The following PCDH15 variants were observed in gnomAD, a reference collection of about 807,000 sequenced individuals.
The protein encoded by PCDH15 is protocadherin related 15.
Under a neutral mutation model 178.5 loss-of-function variants are expected in PCDH15, and 129 were observed. That is an observed-to-expected ratio of 0.72 (90% CI 0.63 to 0.84). The LOEUF is 0.84. Ranked by LOEUF, PCDH15 falls within the 40% of genes least tolerant of loss-of-function variation. The pLI is 0.00. For synonymous variants in PCDH15, 800 were observed against 732.0 expected, an observed-to-expected ratio of 1.09 and a Z score of -1.50; for missense variants, 2,230 against 2,099.9, an observed-to-expected ratio of 1.06 and a Z score of -1.21.
intron 2 of PCDH15, among the ~76,000 whole-genome samples, chr10:55,155,883 C>A (rs1258364595): frequency 1.3e-5 from 2 of 152,054 alleles, no homozygotes; most frequent in Admixed American, 1.3e-4. Flanking sequence ...CAGCTATTAG[C>A]GATTTCTGAC....
chr10:55,281,420 ATT>A (rs142181140), intron 1 of PCDH15, among the ~76,000 whole-genome samples: 1 of 147,202 alleles, frequency 6.8e-6, no homozygotes, highest in African/African-American at 2.5e-5. Flanking sequence ...ATAAAAACAC[ATT>A]TTTTTTTTCT....
chr10:53,974,966 T>C (rs2090069173), intron 21 of PCDH15, among the ~76,000 whole-genome samples: 1 of 152,052 alleles, frequency 6.6e-6, no homozygotes, highest in African/African-American at 2.4e-5. Flanking sequence ...CCAGTATCTA[T>C]TGTTCCCATC....
chr10:53,825,474 A>ATGAG (rs2076617235), intron 32 of PCDH15, among the ~76,000 whole-genome samples: 1 of 151,818 alleles, frequency 6.6e-6, no homozygotes, highest in African/African-American at 2.4e-5. Context: ...GAGAGTTTAA[A>ATGAG]AATTGCTTCT....
intron 3 of PCDH15, among the ~76,000 whole-genome samples, chr10:54,417,046 A>C (rs1954526741): frequency 6.6e-6 from 1 of 151,872 alleles, no homozygotes; most frequent in South Asian, 2.1e-4. Flanking sequence ...AGACTGCAAA[A>C]ATTTTCTCCC....
chr10:54,042,079 A>C (rs2093559912), intron 18 of PCDH15, among the ~76,000 whole-genome samples: 1 of 152,114 alleles, frequency 6.6e-6, no homozygotes, highest in African/African-American at 2.4e-5. Flanking sequence ...AATCATTCTC[A>C]AGTTGAATGT....
intron 21 of PCDH15, 139 bp downstream of exon 21, chr10:53,995,510 G>A (rs2091787663): frequency 3.4e-6 from 5 of 1,490,678 alleles, no homozygotes; most frequent in Middle Eastern, 3.7e-4. Context: ...GATGAAATAA[G>A]TAAAAGAACA....
At chr10:54,099,498 CAA>C (rs755057091) in intron 15 of PCDH15, among the ~76,000 whole-genome samples, 9 of 49,972 alleles carry the variant, frequency 1.8e-4, no homozygotes, top group African/African-American at 7.1e-4. Context: ...GACTCCATCT[CAA>C]AAAAAAAAAA....
At chr10:54,473,293 C>A (rs955887113) in intron 3 of PCDH15, among the ~76,000 whole-genome samples, 1 of 152,054 alleles carries the variant, frequency 6.6e-6, no homozygotes, top group African/African-American at 2.4e-5. Context: ...TATTTGGAAG[C>A]ATATTGAGCA....
intron 3 of PCDH15, among the ~76,000 whole-genome samples, chr10:54,525,735 A>C (rs1228472503): frequency 6.6e-6 from 1 of 152,236 alleles, no homozygotes; most frequent in Non-Finnish European, 1.5e-5. Context: ...CTGGGACTAC[A>C]GGCATGAGCC....
intron 1 of PCDH15, among the ~76,000 whole-genome samples, chr10:54,698,950 A>G (rs2095271407): frequency 6.6e-6 from 1 of 152,160 alleles, no homozygotes; most frequent in Non-Finnish European, 1.5e-5. Context: ...CTTGACTTAT[A>G]TAATAAATTC....
At chr10:54,037,176 T>C (rs988043968) in intron 18 of PCDH15, among the ~76,000 whole-genome samples, 1 of 151,972 alleles carries the variant, frequency 6.6e-6, no homozygotes, top group Non-Finnish European at 1.5e-5. Flanking sequence ...GCTGTGAACA[T>C]TGTTGAAATA....
intron 2 of PCDH15, among the ~76,000 whole-genome samples, chr10:55,333,186 T>G (rs141546365): frequency 6.6e-6 from 1 of 152,048 alleles, no homozygotes; most frequent in South Asian, 2.1e-4. Flanking sequence ...GAGAGAGAAC[T>G]CAGAATTTAT....
chr10:54,214,020 G>GA lies in PCDH15; in HGVS notation c.1013dup (p.His339ProfsTer5). 1.2e-6 allele frequency: 2 copies of GA among 1,609,794 alleles called. No homozygotes were observed. Among genetic ancestry groups the GA allele is most frequent in the Non-Finnish European group, 1.7e-6 (2 of 1,176,384 alleles). Reference sequence around the variant, plus strand: ...GTTCTGCTGTCCTAGGATGCATATGGAAAAATCGTGGGTAATCCTCAGGAG... The same window carrying GA: ...GTTCTGCTGTCCTAGGATGCATATGGAAAAAATCGTGGGTAATCCTCAGGAG... On this transcript the variant is annotated frameshift_variant, in exon 10 of 38. Transcript: ENST00000644397. LOFTEE classifies it high-confidence loss of function.
chr10:54,718,684 C>CTTTTTTTTT (rs71461255), intron 1 of PCDH15, among the ~76,000 whole-genome samples: 5 of 111,518 alleles, frequency 4.5e-5, no homozygotes, highest in Non-Finnish European at 8.8e-5. Context: ...CACACTGATT[C>CTTTTTTTTT]TTTTTTTTTT....
intron 27 of PCDH15, among the ~76,000 whole-genome samples, 180 bp downstream of exon 27, chr10:53,866,462 T>TATATAC (rs906261397): frequency 6.7e-6 from 1 of 149,394 alleles, no homozygotes; most frequent in Non-Finnish European, 1.5e-5. Context: ...TATATATATA[T>TATATAC]ATATATGAAC....
At chr10:54,938,138 A>G (rs1733762) in intron 2 of PCDH15, among the ~76,000 whole-genome samples, 117,656 of 151,972 alleles carry the variant, frequency 0.77, 46,182 homozygotes, top group Middle Eastern at 0.87. Flanking sequence ...TTAAACTATC[A>G]TTAGATTTCT....
chr10:55,463,981 A>G (rs1839759961), intron 2 of PCDH15, among the ~76,000 whole-genome samples: 1 of 37,802 alleles, frequency 2.6e-5, no homozygotes, highest in Non-Finnish European at 4.1e-5. Flanking sequence ...AAGAGAAAGA[A>G]AGAAAGAAAG....
intron 2 of PCDH15, among the ~76,000 whole-genome samples, chr10:55,583,678 C>A (rs1197220838): frequency 6.6e-6 from 1 of 152,132 alleles, no homozygotes; most frequent in East Asian, 1.9e-4. Context: ...AGGTGATCCA[C>A]CCATCTCGGC....
intron 2 of PCDH15, among the ~76,000 whole-genome samples, chr10:54,561,385 G>A (rs549413314): frequency 2.7e-4 from 41 of 152,148 alleles, no homozygotes; most frequent in Non-Finnish European, 4.7e-4. Context: ...GGCAAGATAT[G>A]TAATATCTAT....
Sources: gnomAD v4.1 joint callset for allele counts (sites outside exome capture counted in the v4.1 genomes callset) on GRCh38, gnomAD v4.1.1 for gene constraint, MANE v1.5 for transcripts, NCBI Gene and HGNC (gene_info 2026-07-23, HGNC 2026-07-21) for gene names.